Variants in RAD51D observed in about 807,000 individuals in gnomAD.
RAD51D encodes DNA repair protein RAD51 homolog 4.
In RAD51D, 38 loss-of-function variants were observed where a neutral mutation model predicts 44.1. That is an observed-to-expected ratio of 0.86 (90% confidence interval 0.67 to 1.13). RAD51D has a LOEUF of 1.13. RAD51D is among the 50% of genes most tolerant of loss of function. RAD51D has a pLI of 0.00. For missense variants in RAD51D, 390 were observed against 414.0 expected (o/e 0.94, Z 0.50); for synonymous variants, 141 against 166.6 (o/e 0.85, Z 1.18).
intron 3 of RAD51D, among the ~76,000 whole-genome samples, chr17:35,115,024 C>A (rs1463564806): frequency 6.6e-6 from 1 of 152,184 alleles, no homozygotes; most frequent in Non-Finnish European, 1.5e-5. Flanking sequence ...CACCTTCCAG[C>A]CAACTTCTCA....
chr17:35,115,936 GAAGAAAGAA>G (rs2091733959), intron 3 of RAD51D, among the ~76,000 whole-genome samples: 17 of 123,496 alleles, frequency 1.4e-4, no homozygotes, highest in Admixed American at 1.8e-4. Flanking sequence ...AGGAAGGAAG[GAAGAAAGAA>G]AAGGAAGAAA....
chr17:35,106,519 A>T (rs1310528947), intron 5 of RAD51D, 38 bp from the exon 6 acceptor site: 1 of 1,501,666 alleles, frequency 6.7e-7, no homozygotes, highest in South Asian at 1.2e-5. Flanking sequence ...ACTTTGGATA[A>T]GAGGGAGTAG....
chr17:35,118,428 G>T, intron 3 of RAD51D, 73 bp downstream of exon 3: 3 of 1,287,854 alleles, frequency 2.3e-6, no homozygotes, highest in Non-Finnish European at 3.4e-6. Flanking sequence ...CTAGACTCAA[G>T]CATCAAAAGC....
At chr17:35,109,463 T>C (rs1363922727) in intron 3 of RAD51D, among the ~76,000 whole-genome samples, 1 of 152,240 alleles carries the variant, frequency 6.6e-6, no homozygotes, top group African/African-American at 2.4e-5. Flanking sequence ...ATTATTAATT[T>C]TATAAGAAAC....
rs1399630531 is a variant in RAD51D, at chr17:35,095,191, T to C, written c.*5762A>G. On this transcript the variant is annotated 3_prime_UTR_variant, in exon 10 of 10. Coordinates refer to ENST00000345365, the MANE Select transcript of RAD51D (RefSeq NM_002878.4). ...AGTTCTGAGTTAGTCCTTTGTTAAA[T>C]TAAATTTGGGGTCGGGTGTGGTGTC... 6.6e-6 allele frequency: 1 copy of C among 152,102 alleles called. No homozygotes were observed. The highest frequency in any genetic ancestry group is 1.5e-5 in the Non-Finnish European group (1 of 68,036). The allele number at this position is 152,102 out of a possible 1,614,324, so 9.4% of individuals were successfully genotyped here.
rs1018598303 is a variant in RAD51D, at chr17:35,093,251, T to A, written c.*7702A>T. 3.3e-5 allele frequency: 5 copies of A among 152,220 alleles called. No individual in the cohort carries two copies. Among genetic ancestry groups the A allele is most frequent in the African/African-American group, 1.2e-4 (5 of 41,460 alleles). 9.4% of individuals were successfully genotyped at this position (152,220 alleles called of 1,614,324 possible). A position where few individuals can be genotyped will look rare whatever the true frequency, so the allele number is the denominator to read the frequency against. On this transcript the variant is annotated 3_prime_UTR_variant, in exon 10 of 10. Coordinates refer to ENST00000345365, the MANE Select transcript of RAD51D (RefSeq NM_002878.4). ...ATTATTTTTCCCATTTCACGGTGGATGAAACTAAGGCTTAAAGAGACTGTT... is the reference window on the plus strand; with the variant it reads ...ATTATTTTTCCCATTTCACGGTGGAAGAAACTAAGGCTTAAAGAGACTGTT...
Position 35,110,845 on chromosome 17 carries a change from G to A in RAD51D, c.264-3398C>T, listed in dbSNP as rs145760267. 2.5e-3 allele frequency among the ~76,000 whole-genome samples: 375 copies of A among 152,280 alleles called. 2 individuals are homozygous for A. Among genetic ancestry groups the A allele is most frequent in the Middle Eastern group, 0.017 (5 of 294 alleles). ...AAACAGGCTGGGCGCGGTGGCTCACGCCAGTGATCCCAGCACTTTGGGAGG... is the reference window on the plus strand; with the variant it reads ...AAACAGGCTGGGCGCGGTGGCTCACACCAGTGATCCCAGCACTTTGGGAGG... On this transcript the variant is annotated intron_variant, in intron 3 of 9. Transcript: ENST00000345365.
chr17:35,101,578 C>T (rs2091539251), intron 8 of RAD51D, among the ~76,000 whole-genome samples: 1 of 152,124 alleles, frequency 6.6e-6, no homozygotes, highest in Non-Finnish European at 1.5e-5. Flanking sequence ...AGGTTTGACC[C>T]GAACCAGAAG....
chr17:35,119,846 C>A lies in RAD51D; in HGVS notation c.-233G>T. On this transcript the variant is annotated 5_prime_UTR_variant, in exon 1 of 10. Coordinates refer to ENST00000345365, the MANE Select transcript of RAD51D (RefSeq NM_002878.4). ...CCAGAGCCCGCCCGCCGGGTCGCGC[C>A]GCGCTGCCGCTTCCGGGTTCCAGGC... is the stretch of plus-strand genomic sequence containing the variant. 1.5e-6 allele frequency: 1 copy of A among 663,684 alleles called. No homozygotes were observed. Among genetic ancestry groups the A allele is most frequent in the Non-Finnish European group, 2.7e-6 (1 of 364,388 alleles). 41.1% of individuals were successfully genotyped at this position (663,684 alleles called of 1,614,324 possible).
chr17:35,111,698 T>G lies in RAD51D; in HGVS notation c.264-4251A>C, dbSNP rs143077098. 4.1e-3 allele frequency among the ~76,000 whole-genome samples: 617 copies of G among 152,320 alleles called. 3 individuals carry two copies. Among genetic ancestry groups the G allele is most frequent in the African/African-American group, 0.014 (593 of 41,572 alleles). ...CTTAATTATGTAGCTATATAGCAAGTCTTAACCCTGGGTAGACTGATTCCT... is the reference window on the plus strand; with the variant it reads ...CTTAATTATGTAGCTATATAGCAAGGCTTAACCCTGGGTAGACTGATTCCT... On this transcript the variant is annotated intron_variant, in intron 3 of 9. Transcript: ENST00000345365.
chr17:35,118,530 G>A lies in RAD51D; in HGVS notation c.234C>T (p.Ser78=), dbSNP rs9901455. Residue 78 remains serine, a synonymous_variant, in exon 3 of 10, where the codon TCC becomes TCT. Transcript: ENST00000345365. ...CAATGCCAGTGGACAGGATGGCAGT[G>A]GAGGTCTTCAGTTCCTCGTAGAGAT... ...GADLYEELKT[S]TAILSTGIGS... The A allele has an allele frequency of 0.097, 156,705 of 1,613,868 alleles. 10,503 individuals are homozygous for A. The highest frequency in any genetic ancestry group is 0.3 in the African/African-American group (22,594 of 74,972).
rs948174299 is a variant in RAD51D, at chr17:35,094,360, C to G, written c.*6593G>C. On this transcript the variant is annotated 3_prime_UTR_variant, in exon 10 of 10. Coordinates refer to ENST00000345365, the MANE Select transcript of RAD51D (RefSeq NM_002878.4). ...CAAATGATCCACCCACCTCAGCCTCCCAGAGCGCTGAGATGACAGGCGTGA... is the reference window on the plus strand; with the variant it reads ...CAAATGATCCACCCACCTCAGCCTCGCAGAGCGCTGAGATGACAGGCGTGA... 1 of 152,240 alleles carries G rather than the reference C, an allele frequency of 6.6e-6. No individual in the cohort carries two copies. The allele number at this position is 152,240 out of a possible 1,614,324, so 9.4% of individuals were successfully genotyped here. A position where few individuals can be genotyped will look rare whatever the true frequency, so the allele number is the denominator to read the frequency against.
In RAD51D at chr17:35,097,524, T is replaced by C. The variant is rs1333346851; in HGVS notation, c.*3429A>G. 1 of 151,016 alleles carries C rather than the reference T, an allele frequency of 6.6e-6. No individual in the cohort carries two copies. The highest frequency in any genetic ancestry group is 1.5e-5 in the Non-Finnish European group (1 of 67,824). 9.4% of individuals were successfully genotyped at this position (151,016 alleles called of 1,614,324 possible). The stretch of plus-strand genomic sequence containing the variant: ...ATGTGTGTGTGTGTGTGTGTATATA[T>C]ATATATATATGTATATGTATATGTA... On this transcript the variant is annotated 3_prime_UTR_variant, in exon 10 of 10. Coordinates refer to ENST00000345365, the MANE Select transcript of RAD51D (RefSeq NM_002878.4).
chr17:35,103,290 C>T lies in RAD51D; in HGVS notation c.702G>A (p.Leu234=), dbSNP rs901491798. 1 of 1,611,784 alleles carries T rather than the reference C, an allele frequency of 6.2e-7. No individual in the cohort carries two copies. Among genetic ancestry groups the T allele is most frequent in the African/African-American group, 1.3e-5 (1 of 75,026 alleles). The change falls in exon 8 of 10, where the codon CTG becomes CTA. Residue 234 remains leucine (L), a synonymous_variant. Coordinates refer to ENST00000345365, the MANE Select transcript of RAD51D (RefSeq NM_002878.4). This position sits in a 1 kb window ranked among gnomAD's most constrained non-coding sequence, Gnocchi z 4.1. ...TGCCAAGGTCCCGGGCCAGGGTCTTCAGCTCTCGGGCCAGCTGCATCATCA... is the reference window on the plus strand; with the variant it reads ...TGCCAAGGTCCCGGGCCAGGGTCTTTAGCTCTCGGGCCAGCTGCATCATCA... ...LALMMQLARE[L]KTLARDLGMA...
intron 6 of RAD51D, chr17:35,106,086 G>T (rs747001599): frequency 5.5e-6 from 3 of 544,498 alleles, no homozygotes; most frequent in Non-Finnish European, 1.1e-5. Flanking sequence ...GTCTCTGTCA[G>T]ACAACCTCTA....
intron 3 of RAD51D, among the ~76,000 whole-genome samples, chr17:35,111,565 CAA>C (rs891573125): frequency 7.1e-6 from 1 of 141,724 alleles, no homozygotes; most frequent in South Asian, 2.2e-4. Flanking sequence ...GACTCTGTCT[CAA>C]AAAAAAAAAA....
At chr17:35,105,982 C>G in intron 6 of RAD51D, 2 of 408,248 alleles carry the variant, frequency 4.9e-6, no homozygotes, top group Non-Finnish European at 9.9e-6. Context: ...AGGGGAAGAA[C>G]AAGAAAATCA....
intron 5 of RAD51D, 41 bp downstream of exon 5, chr17:35,106,947 C>T (rs745789627): frequency 1.2e-6 from 2 of 1,614,102 alleles, no homozygotes. Flanking sequence ...TGGGGTTTTC[C>T]TGTGTCAGAA....
At chr17:35,113,715 C>T (rs920950694) in intron 3 of RAD51D, among the ~76,000 whole-genome samples, 8 of 152,174 alleles carry the variant, frequency 5.3e-5, no homozygotes, top group African/African-American at 1.7e-4. Flanking sequence ...CAGCCTCTAC[C>T]ACTCCTGATT....
Sources: allele counts gnomAD v4.1 joint callset (sites outside exome capture counted in the v4.1 genomes callset), GRCh38; gene constraint gnomAD v4.1.1; non-coding constraint Gnocchi (gnomAD v3.1); transcripts MANE v1.5; gene names NCBI Gene and HGNC (gene_info 2026-07-23, HGNC 2026-07-21).